The following SOD2 variants were observed in gnomAD, a reference collection of about 807,000 sequenced individuals.
SOD2 encodes the protein superoxide dismutase 2, also known as superoxide dismutase [Mn], mitochondrial.
In SOD2, 11 loss-of-function variants were observed where a neutral mutation model predicts 27.0. That is an observed-to-expected ratio of 0.41 (90% CI 0.26 to 0.67). The LOEUF (loss-of-function observed/expected upper bound fraction) is 0.67, where lower values mean the gene tolerates loss of function less well. Ranked by LOEUF, SOD2 falls within the 30% of genes least tolerant of loss-of-function variation. The pLI is 0.34. For synonymous variants in SOD2, 105 were observed against 103.0 expected (o/e 1.02, Z -0.12); for missense variants, 250 against 274.5 (o/e 0.91, Z 0.63).
In SOD2 at chr6:159,679,698, C is replaced by A. The variant is rs568488324; in HGVS notation, c.*2795G>T. 2 of 152,350 alleles carry A rather than the reference C, an allele frequency of 1.3e-5. No individual in the cohort carries two copies. Among genetic ancestry groups the A allele is most frequent in the South Asian group, 4.1e-4 (2 of 4,830 alleles). The allele number at this position is 152,350 out of a possible 1,614,324, so 9.4% of individuals were successfully genotyped here. On this transcript the variant is annotated 3_prime_UTR_variant, in exon 5 of 5. Transcript: ENST00000538183. Reference sequence around the variant, plus strand: ...ATGACTAGGGCAGGCACTGCTGATTCAGTCACAAAAACCCTTCTTGGATGA... The same window carrying A: ...ATGACTAGGGCAGGCACTGCTGATTAAGTCACAAAAACCCTTCTTGGATGA...
intron 1 of SOD2, among the ~76,000 whole-genome samples, chr6:159,721,805 G>GTT (rs1179895467): frequency 1.0e-4 from 15 of 150,148 alleles, no homozygotes; most frequent in Non-Finnish European, 3.0e-5. Flanking sequence ...GATTACAGGC[G>GTT]TAAGCCACCA....
rs573702822 is a variant in SOD2, at chr6:159,727,344, C to G, written c.-331G>C. 1.1e-5 allele frequency: 14 copies of G among 1,219,300 alleles called. No homozygotes were observed. In the African/African-American group the frequency reaches 1.9e-4, roughly 16 times the overall value. The allele number at this position is 1,219,300 out of a possible 1,614,324, so 75.5% of individuals were successfully genotyped here. A position where few individuals can be genotyped will look rare whatever the true frequency, so the allele number is the denominator to read the frequency against. On this transcript the variant is annotated 5_prime_UTR_variant, in exon 1 of 3. Transcript: ENST00000401980. Reference sequence around the variant, plus strand: ...AAAGGCGACTCTCCTGTGAGTGGGCCAGAAGGCGAACATGGCGGAGCGGGG... The same window carrying G: ...AAAGGCGACTCTCCTGTGAGTGGGCGAGAAGGCGAACATGGCGGAGCGGGG...
chr6:159,734,603 G>A (rs1304428943), intron 1 of SOD2, among the ~76,000 whole-genome samples: 2 of 152,128 alleles, frequency 1.3e-5, no homozygotes, highest in Non-Finnish European at 2.9e-5. Flanking sequence ...TTGAGCCCAA[G>A]AGTTCAAGAC....
chr6:159,693,655 C>T (rs866091735), upstream of SOD2, among the ~76,000 whole-genome samples: 6 of 152,158 alleles, frequency 3.9e-5, no homozygotes, highest in Admixed American at 3.3e-4. Flanking sequence ...GTTGCGCTGC[C>T]GGGGGGCCGC....
chr6:159,743,929 G>C (rs1779409753), intron 1 of SOD2: 1 of 994,870 alleles, frequency 1.0e-6, no homozygotes, highest in Non-Finnish European at 1.3e-6. Flanking sequence ...TGAGCTTTAA[G>C]AATACTAGAT....
At chr6:159,758,909 G>C (rs1196713786) in intron 1 of SOD2, among the ~76,000 whole-genome samples, 2 of 152,080 alleles carry the variant, frequency 1.3e-5, no homozygotes, top group East Asian at 3.9e-4. Flanking sequence ...TGCTGAGAAG[G>C]CCCCTTCAGG....
chr6:159,727,882 G>C (rs1778303908), upstream of SOD2, among the ~76,000 whole-genome samples: 1 of 152,234 alleles, frequency 6.6e-6, no homozygotes, highest in Non-Finnish European at 1.5e-5. Context: ...CACTTCCGCC[G>C]CTTCGAGGCC....
upstream of SOD2, chr6:159,749,252 G>A (rs1212538352): frequency 9.9e-5 from 98 of 985,640 alleles, no homozygotes; most frequent in Non-Finnish European, 1.2e-4. Context: ...GCTGTGATGA[G>A]ACTCACTGCA....
rs1181392044 is a variant in SOD2, at chr6:159,736,342, G to C, written c.-116+8788C>G. 2.0e-6 allele frequency: 3 copies of C among 1,483,452 alleles called. No homozygotes were observed. In the South Asian group the frequency reaches 3.6e-5, roughly 18 times the overall value. The allele number at this position is 1,483,452 out of a possible 1,614,324, so 91.9% of individuals were successfully genotyped here. A position where few individuals can be genotyped will look rare whatever the true frequency, so the allele number is the denominator to read the frequency against. On this transcript the variant is annotated intron_variant, in intron 1 of 3. Transcript: ENST00000537657. ...TTTTTTGTTTTGTTTTGGGTTTTTT[G>C]GGGGCTTTTTTAAGCACTTTAAAAA...
Position 159,674,703 on chromosome 6 carries a change from C to T in SOD2, c.*7790G>A, listed in dbSNP as rs1779738296. On this transcript the variant is annotated 3_prime_UTR_variant, in exon 5 of 5. Coordinates refer to ENST00000538183, the MANE Select transcript of SOD2 (RefSeq NM_000636.4). ...AACTGGCACAAGACAGGGATGCCCT[C>T]TCTCACCACTCCTATTCAACATAGT... 6.6e-6 allele frequency: 1 copy of T among 152,222 alleles called. No homozygotes were observed. Among genetic ancestry groups the T allele is most frequent in the South Asian group, 2.1e-4 (1 of 4,830 alleles). 9.4% of individuals were successfully genotyped at this position (152,222 alleles called of 1,614,324 possible).
intron 1 of SOD2, chr6:159,753,740 T>G (rs1214373202): frequency 8.2e-7 from 1 of 1,213,372 alleles, no homozygotes; most frequent in Non-Finnish European, 1.1e-6. Context: ...TTGTATATTA[T>G]TGTGAGTGAA....
At chr6:159,713,475 T>C (rs189949004) in intron 1 of SOD2, 1 of 661,710 alleles carries the variant, frequency 1.5e-6, no homozygotes, top group Admixed American at 2.5e-5. Flanking sequence ...GCCCTATTCT[T>C]TCCCTGTGTT....
chr6:159,706,023 C>T (rs1314004243), intron 1 of SOD2, among the ~76,000 whole-genome samples: 1 of 152,166 alleles, frequency 6.6e-6, no homozygotes, highest in Non-Finnish European at 1.5e-5. Context: ...AACTAAGCTT[C>T]ATAAGTGAAG....
chr6:159,736,359 C>G, intron 1 of SOD2: 9 of 1,285,668 alleles, frequency 7.0e-6, no homozygotes, highest in Non-Finnish European at 8.8e-6. Context: ...TTTTTAAGCA[C>G]TTTAAAAAAA....
chr6:159,736,773 C>T (rs956096210), intron 1 of SOD2: 1 of 153,700 alleles, frequency 6.5e-6, no homozygotes, highest in African/African-American at 2.4e-5. Flanking sequence ...GTTGTCTAGT[C>T]TCAAATCTCC....
At chr6:159,698,652 T>C (rs995830119) in intron 1 of SOD2, among the ~76,000 whole-genome samples, 27 of 150,602 alleles carry the variant, frequency 1.8e-4, no homozygotes, top group African/African-American at 5.9e-4. Flanking sequence ...TGACTGTAAC[T>C]TTTGACTCCC....
intron 1 of SOD2, chr6:159,726,461 GGGATGAAC>G (rs1329962601): frequency 3.6e-5 from 8 of 223,084 alleles, no homozygotes; most frequent in African/African-American, 7.0e-5. Context: ...CACTCCTTTG[GGGATGAAC>G]AGGTTTGATA....
At chr6:159,757,127 G>T (rs1382962969) in intron 1 of SOD2, among the ~76,000 whole-genome samples, 1 of 152,146 alleles carries the variant, frequency 6.6e-6, no homozygotes, top group Admixed American at 6.5e-5. Context: ...TTTTCTCAGA[G>T]GTAATTAAGT....
At chr6:159,726,234 G>A (rs1778165346) in intron 1 of SOD2, 1 of 152,500 alleles carries the variant, frequency 6.6e-6, no homozygotes, top group African/African-American at 2.4e-5. Flanking sequence ...GACTTTCTAT[G>A]TTTAAAGACC....
Sources: gnomAD v4.1 joint callset for allele counts (sites outside exome capture counted in the v4.1 genomes callset) on GRCh38, gnomAD v4.1.1 for gene constraint, MANE v1.5 for transcripts, NCBI Gene and HGNC (gene_info 2026-07-23, HGNC 2026-07-21) for gene names.